ANKS1B: variants seen among roughly 807,000 people sequenced by gnomAD.
The protein encoded by ANKS1B is ankyrin repeat and sterile alpha motif domain-containing protein 1B.
ANKS1B carries 36 observed loss-of-function variants against 148.3 expected under a neutral mutation model. The ratio of observed to expected loss-of-function variants is 0.24; its 90% confidence interval spans 0.19 to 0.32. The LOEUF (loss-of-function observed/expected upper bound fraction) is 0.32. Among genes scored for constraint, ANKS1B ranks in the 10% least tolerant of loss-of-function variants. The pLI, the probability that ANKS1B is intolerant of heterozygous loss-of-function variation, is 1.00. For synonymous variants in ANKS1B, 542 were observed against 560.8 expected (o/e 0.97, Z 0.47); for missense variants, 1,157 against 1,542.6 (o/e 0.75, Z 4.19).
At chr12:99,588,425 T>C (rs1176168205) in intron 9 of ANKS1B, among the ~76,000 whole-genome samples, 1 of 146,098 alleles carries the variant, frequency 6.8e-6, no homozygotes, top group African/African-American at 2.6e-5. Context: ...TTTTTTTTTG[T>C]CTTTTTTTTG....
chr12:99,463,061 A>G (rs917198448), intron 10 of ANKS1B, among the ~76,000 whole-genome samples: 3 of 152,250 alleles, frequency 2.0e-5, no homozygotes, highest in African/African-American at 7.2e-5. Context: ...CAGCAATACA[A>G]AATGGAATAA....
chr12:99,403,986 C>T lies in ANKS1B; in HGVS notation c.1576-4175G>A, dbSNP rs1015188257. The stretch of plus-strand genomic sequence containing the variant: ...GGGATATAATATATAGCATGGAATA[C>T]TATGCAGCCATAAAAAAGAATTAGA... On this transcript the variant is annotated intron_variant, in intron 11 of 26. Transcript: ENST00000683438. Among the ~76,000 whole-genome samples the T allele has an allele frequency of 5.5e-5, 8 of 146,374 alleles. 1 individual carries two copies. The highest frequency in any genetic ancestry group is 2.1e-4 in the African/African-American group (8 of 38,586).
At chr12:99,736,489 C>CTTTTTTTTTTTTTTTTTTTTTTTTT (rs1601007542) in intron 8 of ANKS1B, among the ~76,000 whole-genome samples, 2 of 151,894 alleles carry the variant, frequency 1.3e-5, no homozygotes, top group East Asian at 3.9e-4. Context: ...AGAAGGCAAT[C>CTTTTTTTTTTTTTTTTTTTTTTTTT]TTATTTACAG....
Position 99,806,703 on chromosome 12 carries a change from A to G in ANKS1B, c.373-3T>C. Reference sequence around the variant, plus strand: ...AGGGCAGTTTCATTTTCATTGTTCTAAGACAAAGATTTTTAAAAAGGCACA... The same window carrying G: ...AGGGCAGTTTCATTTTCATTGTTCTGAGACAAAGATTTTTAAAAAGGCACA... On this transcript the variant is annotated splice_polypyrimidine_tract_variant and splice_region_variant and intron_variant, in intron 3 of 26. Transcript: ENST00000683438. The G allele has an allele frequency of 6.3e-7, 1 of 1,591,884 alleles. No homozygotes were observed. Among genetic ancestry groups the G allele is most frequent in the Non-Finnish European group, 8.6e-7 (1 of 1,164,480 alleles).
chr12:99,728,225 C>T (rs1441963157), intron 8 of ANKS1B, among the ~76,000 whole-genome samples: 1 of 152,042 alleles, frequency 6.6e-6, no homozygotes. Context: ...TTGCCATCTA[C>T]CCATTTGACA....
chr12:98,894,851 C>T (rs1382471637), intron 17 of ANKS1B: 7 of 980,690 alleles, frequency 7.1e-6, no homozygotes, highest in Non-Finnish European at 8.5e-6. Context: ...CGCCGAGCGC[C>T]GGGCTCTCCC....
chr12:98,970,643 T>C (rs1375053414), intron 17 of ANKS1B, among the ~76,000 whole-genome samples: 1 of 152,230 alleles, frequency 6.6e-6, no homozygotes, highest in Non-Finnish European at 1.5e-5. Flanking sequence ...GGCAAAGGCA[T>C]GCCTGGATTT....
At chr12:99,794,199 G>A (rs1378935424) in intron 4 of ANKS1B, among the ~76,000 whole-genome samples, 2 of 151,894 alleles carry the variant, frequency 1.3e-5, no homozygotes, top group African/African-American at 2.4e-5. Context: ...GTGAAAACAA[G>A]GGAATCCTAT....
At chr12:99,225,974 T>G (rs766372646) in intron 14 of ANKS1B, among the ~76,000 whole-genome samples, 1 of 152,210 alleles carries the variant, frequency 6.6e-6, no homozygotes, top group Non-Finnish European at 1.5e-5. Context: ...TTGTTCTCCT[T>G]TTTACATTTT....
intron 9 of ANKS1B, among the ~76,000 whole-genome samples, chr12:99,561,609 C>CT (rs897737607): frequency 8.8e-4 from 131 of 148,882 alleles, no homozygotes; most frequent in African/African-American, 2.8e-3. Flanking sequence ...CAAGAAACCA[C>CT]TTTTTTTTTT....
intron 17 of ANKS1B, among the ~76,000 whole-genome samples, chr12:98,984,362 T>A (rs1384023363): frequency 6.6e-6 from 1 of 152,218 alleles, no homozygotes; most frequent in South Asian, 2.1e-4. Context: ...TTTAGCATCC[T>A]TTTGCCATCT....
chr12:99,600,880 C>A (rs1391836167), intron 9 of ANKS1B, among the ~76,000 whole-genome samples: 3 of 152,040 alleles, frequency 2.0e-5, no homozygotes, highest in Non-Finnish European at 4.4e-5. Context: ...TGTAAATGAG[C>A]TATGTATTGC....
chr12:99,271,906 T>TA (rs1371299667), intron 12 of ANKS1B, among the ~76,000 whole-genome samples: 3 of 151,898 alleles, frequency 2.0e-5, no homozygotes, highest in Non-Finnish European at 4.4e-5. Context: ...CCACAGTCCA[T>TA]ACTTACCAAA....
chr12:98,884,747 T>C (rs376079158), intron 17 of ANKS1B, among the ~76,000 whole-genome samples: 3,785 of 140,316 alleles, frequency 0.027, 145 homozygotes, highest in African/African-American at 0.093. Flanking sequence ...TGCAGTGAGC[T>C]GAGATTGCGC....
intron 1 of ANKS1B, among the ~76,000 whole-genome samples, chr12:99,893,841 AG>A (rs1476661336): frequency 6.6e-6 from 1 of 152,124 alleles, no homozygotes; most frequent in Non-Finnish European, 1.5e-5. Flanking sequence ...ATGGCTGTGT[AG>A]TATTCCATGG....
At chr12:99,716,089 C>T (rs542577323) in intron 8 of ANKS1B, among the ~76,000 whole-genome samples, 1 of 152,018 alleles carries the variant, frequency 6.6e-6, no homozygotes, top group Non-Finnish European at 1.5e-5. Flanking sequence ...AAACCACAAC[C>T]CCTTCTCTCC....
intron 8 of ANKS1B, among the ~76,000 whole-genome samples, chr12:99,760,794 C>T (rs2062017995): frequency 6.6e-6 from 1 of 151,050 alleles, no homozygotes; most frequent in South Asian, 2.1e-4. Context: ...AATAGGCTGG[C>T]AGCTACATTA....
At chr12:98,907,056 G>A (rs2099780285) in intron 17 of ANKS1B, among the ~76,000 whole-genome samples, 1 of 149,204 alleles carries the variant, frequency 6.7e-6, no homozygotes, top group Non-Finnish European at 1.5e-5. Flanking sequence ...TGTATGTATG[G>A]TGAGAATACT....
At chr12:99,667,601 T>C (rs1419175114) in intron 8 of ANKS1B, among the ~76,000 whole-genome samples, 1 of 152,194 alleles carries the variant, frequency 6.6e-6, no homozygotes, top group East Asian at 1.9e-4. Context: ...CTTACTGCAC[T>C]GGCCAGAATT....
Sources: allele counts gnomAD v4.1 joint callset (sites outside exome capture counted in the v4.1 genomes callset), GRCh38; gene constraint gnomAD v4.1.1; transcripts MANE v1.5; gene names NCBI Gene and HGNC (gene_info 2026-07-23, HGNC 2026-07-21).